Variants in CDH13 observed in about 807,000 individuals in gnomAD.
CDH13 encodes the protein cadherin-13.
CDH13 carries 24 observed loss-of-function variants against 63.8 expected under a neutral mutation model. The ratio of observed to expected loss-of-function variants is 0.38; its 90% CI spans 0.27 to 0.53. The LOEUF (loss-of-function observed/expected upper bound fraction) is 0.53. Ranked by LOEUF, CDH13 falls within the 20% of genes least tolerant of loss-of-function variation. The pLI, the probability that CDH13 is intolerant of heterozygous loss-of-function variation, is 0.85. For missense variants in CDH13, 1,049 were observed against 903.1 expected, an observed-to-expected ratio of 1.16 and a Z score of -2.07; for synonymous variants, 503 against 355.3, an observed-to-expected ratio of 1.42 and a Z score of -4.67.
chr16:83,711,309 T>C (rs1908009889), intron 10 of CDH13, among the ~76,000 whole-genome samples: 1 of 152,102 alleles, frequency 6.6e-6, no homozygotes, highest in Admixed American at 6.5e-5. Flanking sequence ...GAGCAAACAA[T>C]AGCGGGAAAC....
chr16:83,247,576 C>G (rs1195538083), intron 5 of CDH13, among the ~76,000 whole-genome samples: 1 of 152,056 alleles, frequency 6.6e-6, no homozygotes, highest in African/African-American at 2.4e-5. Context: ...ATGAAATCCT[C>G]TTTAAATACT....
intron 3 of CDH13, among the ~76,000 whole-genome samples, chr16:83,064,707 G>T (rs1279551747): frequency 1.3e-5 from 2 of 152,024 alleles, no homozygotes; most frequent in Non-Finnish European, 2.9e-5. Flanking sequence ...TTAATTAAAA[G>T]AATTATTCTT....
At chr16:83,305,005 C>T (rs1415738359) in intron 5 of CDH13, among the ~76,000 whole-genome samples, 1 of 152,200 alleles carries the variant, frequency 6.6e-6, no homozygotes, top group Non-Finnish European at 1.5e-5. Flanking sequence ...TTGCAATGAG[C>T]CATATACGCA....
intron 1 of CDH13, among the ~76,000 whole-genome samples, chr16:82,792,800 C>A (rs560747234): frequency 6.6e-6 from 1 of 152,326 alleles, no homozygotes; most frequent in South Asian, 2.1e-4. Flanking sequence ...GAAATCATCA[C>A]CCAATGCCCA....
chr16:83,084,936 G>A (rs1266793650), intron 3 of CDH13, among the ~76,000 whole-genome samples: 1 of 152,200 alleles, frequency 6.6e-6, no homozygotes, highest in Non-Finnish European at 1.5e-5. Context: ...CTTGCCTAAC[G>A]AGAAGTCTCA....
chr16:82,991,699 G>A lies in CDH13; in HGVS notation c.158-40311G>A, dbSNP rs377285305. 2.7e-3 allele frequency among the ~76,000 whole-genome samples: 409 copies of A among 152,280 alleles called. 3 individuals carry two copies. The highest frequency in any genetic ancestry group is 0.025 in the South Asian group (119 of 4,822). On this transcript the variant is annotated intron_variant, in intron 2 of 13. Transcript: ENST00000567109. ...AAGCAACCGCTGATGTGAACATTGC[G>A]TGTGGCACAGTGAAACTCAAAGGAC... is the stretch of plus-strand genomic sequence containing the variant.
intron 1 of CDH13, among the ~76,000 whole-genome samples, chr16:82,709,711 C>T (rs1165448932): frequency 6.6e-6 from 1 of 152,154 alleles, no homozygotes; most frequent in African/African-American, 2.4e-5. Flanking sequence ...CTTGTTTAAC[C>T]TGGAATAGAA....
At chr16:83,300,011 G>T (rs2089695083) in intron 5 of CDH13, among the ~76,000 whole-genome samples, 1 of 152,310 alleles carries the variant, frequency 6.6e-6, no homozygotes, top group African/African-American at 2.4e-5. Flanking sequence ...TCAAATGAGA[G>T]CCTCAGTTTC....
chr16:83,339,601 C>A (rs1182298467), intron 5 of CDH13, among the ~76,000 whole-genome samples: 1 of 152,110 alleles, frequency 6.6e-6, no homozygotes, highest in Non-Finnish European at 1.5e-5. Flanking sequence ...CTGCTCAGGG[C>A]CCGGATCTGG....
intron 7 of CDH13, among the ~76,000 whole-genome samples, chr16:83,530,575 A>T (rs998147163): frequency 2.0e-5 from 3 of 152,158 alleles, no homozygotes; most frequent in South Asian, 2.1e-4. Context: ...CTCCTTCTAT[A>T]ACCCAGCACC....
intron 2 of CDH13, among the ~76,000 whole-genome samples, chr16:82,918,577 C>G (rs1261417465): frequency 6.7e-6 from 1 of 149,846 alleles, no homozygotes; most frequent in Admixed American, 6.7e-5. Flanking sequence ...GGCACTATCT[C>G]CGATCCCTGG....
intron 10 of CDH13, among the ~76,000 whole-genome samples, chr16:83,726,941 T>C (rs1375419250): frequency 6.6e-6 from 1 of 152,246 alleles, no homozygotes; most frequent in Non-Finnish European, 1.5e-5. Flanking sequence ...TGTTTTGTTC[T>C]GTTTTAGCAG....
At position 83,042,166 on chromosome 16, in the gene CDH13, C is replaced by T. The variant is rs181574466; in HGVS notation, c.366+9948C>T. Among the ~76,000 whole-genome samples, 294 of 152,248 alleles carry T rather than the reference C, an allele frequency of 1.9e-3. 1 individual carries two copies. Among genetic ancestry groups the T allele is most frequent in the Middle Eastern group, 0.017 (5 of 294 alleles). On this transcript the variant is annotated intron_variant, in intron 3 of 13. Coordinates refer to ENST00000567109, the MANE Select transcript of CDH13 (RefSeq NM_001257.5). Reference sequence around the variant, plus strand: ...TTATTTCTTTAAAACAAGAGTGTCCCCCACCCACCTGTCTGAGTACCAGTC... The same window carrying T: ...TTATTTCTTTAAAACAAGAGTGTCCTCCACCCACCTGTCTGAGTACCAGTC...
intron 6 of CDH13, among the ~76,000 whole-genome samples, chr16:83,412,058 C>T (rs1417937223): frequency 6.6e-6 from 1 of 152,186 alleles, no homozygotes; most frequent in Non-Finnish European, 1.5e-5. Context: ...CAAGGAGAGC[C>T]ACAAGCTCAT....
intron 6 of CDH13, among the ~76,000 whole-genome samples, chr16:83,418,585 G>C (rs1284076694): frequency 6.6e-6 from 1 of 152,148 alleles, no homozygotes; most frequent in Non-Finnish European, 1.5e-5. Flanking sequence ...TTGGACATTT[G>C]CTTGGATCTG....
At chr16:83,407,952 GC>G (rs2092071845) in intron 6 of CDH13, among the ~76,000 whole-genome samples, 2 of 152,132 alleles carry the variant, frequency 1.3e-5, no homozygotes, top group African/African-American at 4.8e-5. Flanking sequence ...ATTTTCCTAA[GC>G]CCTCTTCCCA....
chr16:83,445,249 AG>A (rs936945246), intron 6 of CDH13, among the ~76,000 whole-genome samples: 127 of 57,364 alleles, frequency 2.2e-3, no homozygotes, highest in African/African-American at 6.8e-3. Flanking sequence ...AATTTATAAA[AG>A]CTTTTATAAT....
At chr16:83,459,956 G>A (rs1479286661) in intron 6 of CDH13, among the ~76,000 whole-genome samples, 2 of 152,138 alleles carry the variant, frequency 1.3e-5, no homozygotes, top group Non-Finnish European at 2.9e-5. Context: ...GGGCTTAAAA[G>A]AAAAGGTAGA....
chr16:82,992,778 T>A (rs1322956503), intron 2 of CDH13, among the ~76,000 whole-genome samples: 1 of 152,208 alleles, frequency 6.6e-6, no homozygotes, highest in Non-Finnish European at 1.5e-5. Context: ...TAATAAGTAG[T>A]TGACCCCATA....
Sources: gnomAD v4.1 joint callset for allele counts (sites outside exome capture counted in the v4.1 genomes callset) on GRCh38, gnomAD v4.1.1 for gene constraint, MANE v1.5 for transcripts, NCBI Gene and HGNC (gene_info 2026-07-23, HGNC 2026-07-21) for gene names.